Variants in MOB3B observed in about 807,000 individuals in gnomAD.
The protein encoded by MOB3B is MOB kinase activator-like 2B.
A neutral mutation model predicts 18.7 loss-of-function variants in MOB3B; 7 were observed. That is an observed-to-expected ratio of 0.37 (90% confidence interval 0.21 to 0.70). The LOEUF is 0.70. MOB3B is among the 30% of genes least tolerant of loss of function. MOB3B has a pLI of 0.52. For synonymous variants in MOB3B, 111 were observed against 99.9 expected, an observed-to-expected ratio of 1.11 and a Z score of -0.66; for missense variants, 253 against 281.3, an observed-to-expected ratio of 0.90 and a Z score of 0.72.
At chr9:27,446,059 A>C (rs1822686171) in intron 2 of MOB3B, among the ~76,000 whole-genome samples, 1 of 152,178 alleles carries the variant, frequency 6.6e-6, no homozygotes, top group African/African-American at 2.4e-5. Context: ...TGTGACGACG[A>C]ATGTTTTAAT....
chr9:27,516,844 G>A (rs1354583275), intron 1 of MOB3B, among the ~76,000 whole-genome samples: 1 of 152,172 alleles, frequency 6.6e-6, no homozygotes, highest in African/African-American at 2.4e-5. Flanking sequence ...GGCAGCATCA[G>A]TCTTCTGCTC....
chr9:27,401,101 G>A (rs1006345324), intron 2 of MOB3B, among the ~76,000 whole-genome samples: 3 of 152,206 alleles, frequency 2.0e-5, no homozygotes, highest in African/African-American at 7.2e-5. Flanking sequence ...GCCCAGCAAT[G>A]GAACCGGGCC....
intron 2 of MOB3B, among the ~76,000 whole-genome samples, chr9:27,363,413 C>G (rs992650027): frequency 2.0e-5 from 3 of 152,034 alleles, no homozygotes; most frequent in Admixed American, 6.6e-5. Context: ...GGACTACAGG[C>G]GCCCGCCGCC....
intron 2 of MOB3B, among the ~76,000 whole-genome samples, chr9:27,385,126 A>T (rs1433571693): frequency 6.6e-6 from 1 of 152,136 alleles, no homozygotes; most frequent in Non-Finnish European, 1.5e-5. Context: ...GGGGATGAGG[A>T]GGGGGGCAAA....
chr9:27,422,346 A>G (rs994149875), intron 2 of MOB3B, among the ~76,000 whole-genome samples: 1 of 152,246 alleles, frequency 6.6e-6, no homozygotes, highest in Non-Finnish European at 1.5e-5. Context: ...GTTCAGTCCA[A>G]CTTCAACGCT....
rs1387927110 is a variant in MOB3B, at chr9:27,326,383, G to A, written c.*4204C>T. 1 of 398,120 alleles carries A rather than the reference G, an allele frequency of 2.5e-6. No individual in the cohort carries two copies. The highest frequency in any genetic ancestry group is 4.4e-6 in the Non-Finnish European group (1 of 225,934). 24.7% of individuals were successfully genotyped at this position (398,120 alleles called of 1,614,324 possible). Reference sequence around the variant, plus strand: ...TTAATGGATATGCAAATAAAGCTCTGATTAATTGTATTTTCACTTATTATA... The same window carrying A: ...TTAATGGATATGCAAATAAAGCTCTAATTAATTGTATTTTCACTTATTATA... On this transcript the variant is annotated 3_prime_UTR_variant, in exon 4 of 4. Transcript: ENST00000262244.
At chr9:27,488,160 T>C (rs1819759312) in intron 1 of MOB3B, among the ~76,000 whole-genome samples, 1 of 152,188 alleles carries the variant, frequency 6.6e-6, no homozygotes, top group Non-Finnish European at 1.5e-5. Flanking sequence ...CAACTAGCTG[T>C]TTCCTATTAT....
intron 3 of MOB3B, among the ~76,000 whole-genome samples, chr9:27,356,872 A>C (rs948591058): frequency 6.6e-6 from 1 of 151,788 alleles, no homozygotes; most frequent in Non-Finnish European, 1.5e-5. Context: ...AGCTGTTTGC[A>C]CAACCTTATC....
At chr9:27,477,004 C>A (rs1465661352) in intron 1 of MOB3B, among the ~76,000 whole-genome samples, 1 of 152,188 alleles carries the variant, frequency 6.6e-6, no homozygotes, top group African/African-American at 2.4e-5. Context: ...CTCCCGTCTT[C>A]TTCACCTGGG....
chr9:27,470,524 G>C (rs1819455469), intron 1 of MOB3B, among the ~76,000 whole-genome samples: 2 of 152,134 alleles, frequency 1.3e-5, no homozygotes, highest in African/African-American at 4.8e-5. Flanking sequence ...GTGCTGTTAG[G>C]AAGTGACTCT....
chr9:27,377,663 T>A (rs1480906456), intron 2 of MOB3B, among the ~76,000 whole-genome samples: 1 of 152,228 alleles, frequency 6.6e-6, no homozygotes, highest in African/African-American at 2.4e-5. Context: ...CTGACCACAC[T>A]TTTTATGCTA....
chr9:27,403,624 C>T (rs1473005980), intron 2 of MOB3B, among the ~76,000 whole-genome samples: 1 of 148,840 alleles, frequency 6.7e-6, no homozygotes, highest in Non-Finnish European at 1.5e-5. Flanking sequence ...CCTCCACCTC[C>T]CAGGTTGAAG....
At chr9:27,464,390 C>A (rs1440773384) in intron 1 of MOB3B, among the ~76,000 whole-genome samples, 1 of 152,164 alleles carries the variant, frequency 6.6e-6, no homozygotes, top group African/African-American at 2.4e-5. Context: ...TTATAACACA[C>A]TTACCCTAAT....
chr9:27,343,971 G>A (rs1391315883), intron 3 of MOB3B, among the ~76,000 whole-genome samples: 1 of 152,118 alleles, frequency 6.6e-6, no homozygotes, highest in African/African-American at 2.4e-5. Flanking sequence ...TACAGAGTTT[G>A]AAGCTAGATA....
At chr9:27,495,654 G>T (rs1213372246) in intron 1 of MOB3B, among the ~76,000 whole-genome samples, 1 of 152,182 alleles carries the variant, frequency 6.6e-6, no homozygotes, top group Non-Finnish European at 1.5e-5. Context: ...TTCATGTAAT[G>T]AATGAAATTA....
Position 27,326,577 on chromosome 9 carries a change from G to A in MOB3B, c.*4010C>T. The A allele has an allele frequency of 5.0e-6, 2 of 398,476 alleles. No homozygotes were observed. Among genetic ancestry groups the A allele is most frequent in the Non-Finnish European group, 8.8e-6 (2 of 226,030 alleles). 24.7% of individuals were successfully genotyped at this position (398,476 alleles called of 1,614,324 possible). A position where few individuals can be genotyped will look rare whatever the true frequency, so the allele number is the denominator to read the frequency against. On this transcript the variant is annotated 3_prime_UTR_variant, in exon 4 of 4. Transcript: ENST00000262244. ...TTCCATGCCCGAAGAACTGTGAGAG[G>A]AGTATAGATTTTTTCACCAAGGAAG...
intron 1 of MOB3B, among the ~76,000 whole-genome samples, chr9:27,470,935 T>C (rs1426918053): frequency 6.6e-6 from 1 of 152,138 alleles, no homozygotes; most frequent in Non-Finnish European, 1.5e-5. Flanking sequence ...CTTTCACTTT[T>C]CCCCTTTTGA....
chr9:27,416,962 A>G (rs897706374), intron 2 of MOB3B, among the ~76,000 whole-genome samples: 1 of 152,230 alleles, frequency 6.6e-6, no homozygotes, highest in African/African-American at 2.4e-5. Flanking sequence ...TCTGGAGTTT[A>G]GAACTGGTGT....
chr9:27,452,186 A>G (rs770551270), intron 2 of MOB3B, among the ~76,000 whole-genome samples: 11 of 151,490 alleles, frequency 7.3e-5, no homozygotes, highest in Non-Finnish European at 1.6e-4. Context: ...TTTTCCATCC[A>G]AACATCCATC....
Sources: gnomAD v4.1 joint callset for allele counts (sites outside exome capture counted in the v4.1 genomes callset) on GRCh38, gnomAD v4.1.1 for gene constraint, MANE v1.5 for transcripts, NCBI Gene and HGNC (gene_info 2026-07-23, HGNC 2026-07-21) for gene names.